Variants in ULK4 observed in about 807,000 individuals in gnomAD.
The protein encoded by ULK4 is inactive serine/threonine-protein kinase ULK4.
A neutral mutation model predicts 160.6 loss-of-function variants in ULK4; 133 were observed. The ratio of observed to expected loss-of-function variants is 0.83; its 90% CI spans 0.72 to 0.96. The LOEUF (loss-of-function observed/expected upper bound fraction) is 0.96, where lower values mean the gene tolerates loss of function less well. Ranked by LOEUF, ULK4 falls within the 40% of genes least tolerant of loss-of-function variation. ULK4 has a pLI of 0.00. For synonymous variants in ULK4, 534 were observed against 539.8 expected, an observed-to-expected ratio of 0.99 and a Z score of 0.15; for missense variants, 1,580 against 1,499.5, an observed-to-expected ratio of 1.05 and a Z score of -0.89.
At chr3:41,852,874 G>C (rs2042250847) in intron 17 of ULK4, among the ~76,000 whole-genome samples, 1 of 152,178 alleles carries the variant, frequency 6.6e-6, no homozygotes, top group African/African-American at 2.4e-5. Flanking sequence ...GCCTGCAACA[G>C]AGTCTGGCAA....
At chr3:41,611,078 A>G (rs151096607) in intron 31 of ULK4, among the ~76,000 whole-genome samples, 266 of 152,316 alleles carry the variant, frequency 1.7e-3, no homozygotes, top group Admixed American at 2.1e-3. Context: ...GCAATTCTGC[A>G]CTCAAAAGCC....
intron 2 of ULK4, among the ~76,000 whole-genome samples, chr3:41,951,692 C>T (rs1194106107): frequency 1.3e-5 from 2 of 152,192 alleles, no homozygotes; most frequent in Non-Finnish European, 2.9e-5. Flanking sequence ...GAATGTGTCC[C>T]TCTAAAATTC....
intron 31 of ULK4, among the ~76,000 whole-genome samples, chr3:41,615,411 G>A (rs1047926313): frequency 4.6e-5 from 7 of 152,168 alleles, no homozygotes; most frequent in Admixed American, 4.6e-4. Context: ...AATATATATT[G>A]TGTAATACAA....
chr3:41,321,086 T>C (rs1055133164), intron 35 of ULK4, among the ~76,000 whole-genome samples: 47 of 152,060 alleles, frequency 3.1e-4, no homozygotes, highest in African/African-American at 1.1e-3. Flanking sequence ...TTTTTCCCTT[T>C]ATAATGCAAC....
chr3:41,697,922 T>C (rs1419965805), intron 27 of ULK4, among the ~76,000 whole-genome samples: 2 of 152,202 alleles, frequency 1.3e-5, no homozygotes, highest in African/African-American at 4.8e-5. Context: ...GCAACTCCAG[T>C]CCTGCAAGCT....
chr3:41,530,077 T>TA (rs1451067784), intron 32 of ULK4, among the ~76,000 whole-genome samples: 1 of 152,182 alleles, frequency 6.6e-6, no homozygotes, highest in Non-Finnish European at 1.5e-5. Context: ...GTGAATATAC[T>TA]AAAAAATATA....
intron 34 of ULK4, among the ~76,000 whole-genome samples, chr3:41,404,226 A>ATTTTTTTTTTTTTTTTTT (rs60508995): frequency 1.5e-5 from 2 of 131,866 alleles, no homozygotes; most frequent in Admixed American, 7.8e-5. Context: ...TAGCTCTATC[A>ATTTTTTTTTTTTTTTTTT]TTTTTTTTTT....
chr3:41,846,824 AT>A (rs1470198133), intron 17 of ULK4, among the ~76,000 whole-genome samples: 36 of 151,694 alleles, frequency 2.4e-4, no homozygotes, highest in African/African-American at 7.0e-4. Flanking sequence ...AAAAAAAAAA[AT>A]CTTACCATTG....
At chr3:41,837,325 C>A (rs377095399) in intron 17 of ULK4, among the ~76,000 whole-genome samples, 1 of 152,146 alleles carries the variant, frequency 6.6e-6, no homozygotes, top group Non-Finnish European at 1.5e-5. Flanking sequence ...TCACTGCAAT[C>A]AAGATAACAA....
intron 17 of ULK4, among the ~76,000 whole-genome samples, chr3:41,876,700 T>C (rs1697316058): frequency 6.6e-6 from 1 of 152,114 alleles, no homozygotes; most frequent in Non-Finnish European, 1.5e-5. Context: ...GAACTACAGG[T>C]ACAGGCAACA....
chr3:41,768,849 C>A (rs1030404473), intron 21 of ULK4, among the ~76,000 whole-genome samples: 2 of 152,122 alleles, frequency 1.3e-5, no homozygotes, highest in African/African-American at 4.8e-5. Context: ...TTTGAAAACA[C>A]AGAAGTGACC....
At chr3:41,425,876 C>A (rs2085536107) in intron 34 of ULK4, among the ~76,000 whole-genome samples, 1 of 152,090 alleles carries the variant, frequency 6.6e-6, no homozygotes, top group Admixed American at 6.6e-5. Context: ...ATTAACAAGT[C>A]TGCAAAATAA....
intron 30 of ULK4, among the ~76,000 whole-genome samples, chr3:41,646,957 T>G (rs2034524394): frequency 6.6e-6 from 1 of 152,260 alleles, no homozygotes; most frequent in Non-Finnish European, 1.5e-5. Flanking sequence ...CTTCCATCAC[T>G]GATACCCTTT....
At chr3:41,470,220 T>C (rs2083954010) in intron 32 of ULK4, among the ~76,000 whole-genome samples, 1 of 152,032 alleles carries the variant, frequency 6.6e-6, no homozygotes, top group Admixed American at 6.6e-5. Context: ...TATGCTAATA[T>C]GCTGACAGCA....
intron 18 of ULK4, among the ~76,000 whole-genome samples, chr3:41,828,743 G>A (rs1033006140): frequency 4.6e-5 from 7 of 151,940 alleles, no homozygotes; most frequent in South Asian, 4.2e-4. Flanking sequence ...TAGATTCAAC[G>A]CCATCCCCAT....
In ULK4 at chr3:41,675,688, G is replaced by C. The variant is rs555924858; in HGVS notation, c.2978+5820C>G. ...ATGGTATACCCATAAGGGAAAGGCA[G>C]AGGAAAAACTGACACAGAGATAAAA... On this transcript the variant is annotated intron_variant, in intron 29 of 36. Transcript: ENST00000301831. Among the ~76,000 whole-genome samples the C allele has an allele frequency of 3.0e-4, 46 of 152,284 alleles. 1 individual carries two copies. The Middle Eastern group carries it at 0.014, about 45-fold the overall frequency.
intron 27 of ULK4, among the ~76,000 whole-genome samples, chr3:41,694,884 T>C (rs1183006400): frequency 6.6e-6 from 1 of 152,248 alleles, no homozygotes; most frequent in Non-Finnish European, 1.5e-5. Context: ...GGCCAAACCG[T>C]CTGTGACTAT....
chr3:41,839,007 G>A (rs2041836332), intron 17 of ULK4, among the ~76,000 whole-genome samples: 1 of 152,180 alleles, frequency 6.6e-6, no homozygotes, highest in East Asian at 1.9e-4. Flanking sequence ...CTATTGCACA[G>A]CACGGTGACC....
rs1698123934 is a variant in ULK4 at position 41,895,571 on chromosome 3, T to C, written c.1531-7A>G. 3.4e-6 allele frequency: 5 copies of C among 1,489,094 alleles called. No homozygotes were observed. Among genetic ancestry groups the C allele is most frequent in the Non-Finnish European group, 4.5e-6 (5 of 1,117,526 alleles). The allele number at this position is 1,489,094 out of a possible 1,614,324, so 92.2% of individuals were successfully genotyped here. On this transcript the variant is annotated splice_polypyrimidine_tract_variant and splice_region_variant and intron_variant, in intron 15 of 36. Transcript: ENST00000301831. ...GCTGGATTAGCAATTGGAACTAGAA[T>C]AAGAAATTTAAGTGTAAAGAAAAGA...
Sources: gnomAD v4.1 joint callset for allele counts (sites outside exome capture counted in the v4.1 genomes callset) on GRCh38, gnomAD v4.1.1 for gene constraint, MANE v1.5 for transcripts, NCBI Gene and HGNC (gene_info 2026-07-23, HGNC 2026-07-21) for gene names.